The following ADAM10 variants were observed in gnomAD, a reference collection of about 807,000 sequenced individuals.
The protein encoded by ADAM10 is disintegrin and metalloproteinase domain-containing protein 10.
Under a neutral mutation model 90.1 loss-of-function variants are expected in ADAM10, and 17 were observed. The ratio of observed to expected loss-of-function variants is 0.19; its 90% CI spans 0.13 to 0.28. The LOEUF (loss-of-function observed/expected upper bound fraction) is 0.28. Ranked by LOEUF, ADAM10 falls within the 10% of genes least tolerant of loss-of-function variation. The pLI is 1.00. For missense variants in ADAM10, 610 were observed against 914.3 expected, an observed-to-expected ratio of 0.67 and a Z score of 4.29; for synonymous variants, 310 against 298.6, an observed-to-expected ratio of 1.04 and a Z score of -0.40.
In ADAM10 at chr15:58,651,983, A is replaced by G. The variant is rs528887178; in HGVS notation, c.586-5779T>C. ...GTATCTCACTGTAATTTTTATTTGC[A>G]TTTCTCCAAGGATCAATGATGTTGA... On this transcript the variant is annotated intron_variant, in intron 5 of 15. Transcript: ENST00000260408. Among the ~76,000 whole-genome samples, 203 of 152,268 alleles carry G rather than the reference A, an allele frequency of 1.3e-3. 3 individuals carry two copies. In the South Asian group the frequency reaches 0.042, roughly 31 times the overall value.
At position 58,679,357 on chromosome 15, in the gene ADAM10, T is replaced by C. The variant is rs536290917; in HGVS notation, c.326-75A>G. 83 of 1,253,738 alleles carry C rather than the reference T, an allele frequency of 6.6e-5. 1 individual carries two copies. Among genetic ancestry groups the C allele is most frequent in the East Asian group, 4.7e-4 (19 of 40,552 alleles). 77.7% of individuals were successfully genotyped at this position (1,253,738 alleles called of 1,614,324 possible). On this transcript the variant is annotated intron_variant, in intron 3 of 15. Coordinates refer to ENST00000260408, the MANE Select transcript of ADAM10 (RefSeq NM_001110.4). ...TTAAATTCATTCATATATATGTATA[T>C]ATGTGTGTATATATATACACACATG...
chr15:58,618,406 G>A (rs1895682279), intron 11 of ADAM10, among the ~76,000 whole-genome samples: 1 of 152,080 alleles, frequency 6.6e-6, no homozygotes, highest in South Asian at 2.1e-4. Flanking sequence ...CTGAAACGAT[G>A]AAACTACTAA....
intron 5 of ADAM10, among the ~76,000 whole-genome samples, chr15:58,660,639 T>C (rs1328731283): frequency 6.6e-6 from 1 of 152,220 alleles, no homozygotes; most frequent in Non-Finnish European, 1.5e-5. Context: ...GCTATTTATT[T>C]TCTATTTATC....
At chr15:58,612,635 C>A (rs1251486228) in intron 11 of ADAM10, among the ~76,000 whole-genome samples, 1 of 152,172 alleles carries the variant, frequency 6.6e-6, no homozygotes. Context: ...TCACCACCAC[C>A]TCCATCCCCG....
chr15:58,628,812 G>T (rs1191390969), intron 9 of ADAM10, among the ~76,000 whole-genome samples: 1 of 152,154 alleles, frequency 6.6e-6, no homozygotes, highest in Non-Finnish European at 1.5e-5. Context: ...GAAAGAAAAA[G>T]ACTGCCCAAG....
intron 8 of ADAM10, among the ~76,000 whole-genome samples, chr15:58,634,300 T>TAA (rs61691654): frequency 0.061 from 8,329 of 135,772 alleles, 807 homozygotes; most frequent in African/African-American, 0.21. Context: ...ACACTCTGTC[T>TAA]AAAAAAAAAA....
intron 11 of ADAM10, among the ~76,000 whole-genome samples, 179 bp downstream of exon 11, chr15:58,621,292 T>G (rs1366993540): frequency 5.4e-5 from 6 of 112,118 alleles, no homozygotes; most frequent in African/African-American, 1.4e-4. Context: ...AAAAAAAAAG[T>G]AGTTCAATCT....
intron 5 of ADAM10, among the ~76,000 whole-genome samples, chr15:58,662,990 G>A (rs1196208128): frequency 6.6e-6 from 1 of 152,176 alleles, no homozygotes; most frequent in Non-Finnish European, 1.5e-5. Context: ...AAATCACAGA[G>A]ATATTTATTT....
chr15:58,694,687 T>C (rs574386611), intron 2 of ADAM10, among the ~76,000 whole-genome samples: 49 of 151,310 alleles, frequency 3.2e-4, no homozygotes, highest in Non-Finnish European at 4.7e-4. Flanking sequence ...ATAACCTAAA[T>C]GTCTATCAAC....
At chr15:58,653,619 T>C (rs568263128) in intron 5 of ADAM10, among the ~76,000 whole-genome samples, 3 of 152,186 alleles carry the variant, frequency 2.0e-5, no homozygotes, top group Non-Finnish European at 4.4e-5. Flanking sequence ...AGTTTGCTAG[T>C]ATTTTGTTGA....
chr15:58,719,101 A>C (rs559037931), intron 1 of ADAM10, among the ~76,000 whole-genome samples: 1 of 152,328 alleles, frequency 6.6e-6, no homozygotes, highest in Non-Finnish European at 1.5e-5. Flanking sequence ...AGGCAGGTGG[A>C]TCGCCTAAGG....
intron 7 of ADAM10, among the ~76,000 whole-genome samples, chr15:58,641,843 G>A (rs568360299): frequency 6.6e-6 from 1 of 152,272 alleles, no homozygotes; most frequent in Non-Finnish European, 1.5e-5. Flanking sequence ...AATGTTGGCA[G>A]TAAGAGGATG....
Position 58,655,744 on chromosome 15 carries a change from T to C in ADAM10, c.585+9353A>G, listed in dbSNP as rs1273796471. Among the ~76,000 whole-genome samples, 4 of 37,584 alleles carry C rather than the reference T, an allele frequency of 1.1e-4. No individual in the cohort carries two copies. The African/African-American group carries it at 1.1e-3, about 10-fold the overall frequency. 24.7% of individuals were successfully genotyped at this position (37,584 alleles called of 152,430 possible). On this transcript the variant is annotated intron_variant, in intron 5 of 15. Coordinates refer to ENST00000260408, the MANE Select transcript of ADAM10 (RefSeq NM_001110.4). Reference sequence around the variant, plus strand: ...ATATATATATATATATATATATTCTTTTTTTTTTTTTTTTTTTTTTGAAAC... The same window carrying C: ...ATATATATATATATATATATATTCTCTTTTTTTTTTTTTTTTTTTTGAAAC...
At chr15:58,649,606 G>C (rs1447544454) in intron 5 of ADAM10, among the ~76,000 whole-genome samples, 1 of 152,164 alleles carries the variant, frequency 6.6e-6, no homozygotes, top group Non-Finnish European at 1.5e-5. Context: ...CTCTGTTTCA[G>C]CATATCCTAC....
chr15:58,618,035 G>T (rs548674264), intron 11 of ADAM10, among the ~76,000 whole-genome samples: 1 of 151,930 alleles, frequency 6.6e-6, no homozygotes, highest in Non-Finnish European at 1.5e-5. Context: ...CAGATAAAGA[G>T]AAAACAATCC....
chr15:58,734,968 G>A (rs1488133520), intron 1 of ADAM10, among the ~76,000 whole-genome samples: 1 of 152,148 alleles, frequency 6.6e-6, no homozygotes, highest in Non-Finnish European at 1.5e-5. Context: ...ACCTCAGTCA[G>A]ACATCACAAA....
At chr15:58,689,122 A>G (rs1344057355) in intron 2 of ADAM10, among the ~76,000 whole-genome samples, 3 of 152,200 alleles carry the variant, frequency 2.0e-5, no homozygotes, top group Admixed American at 6.5e-5. Flanking sequence ...AATCAGCGTT[A>G]AAGAGAAAAT....
At chr15:58,688,686 A>AGAGAGGAGAGAGGGAAAGGAAT (rs1897678204) in intron 2 of ADAM10, among the ~76,000 whole-genome samples, 2 of 149,482 alleles carry the variant, frequency 1.3e-5, no homozygotes, top group East Asian at 3.9e-4. Context: ...GGGACAGGGA[A>AGAGAGGAGAGAGGGAAAGGAAT]GAGAGGAGAG....
chr15:58,713,120 G>A (rs1241827247), intron 2 of ADAM10, among the ~76,000 whole-genome samples: 4 of 152,066 alleles, frequency 2.6e-5, no homozygotes, highest in African/African-American at 9.7e-5. Flanking sequence ...TGTTTGTTGA[G>A]ACAGGGTCTC....
Sources: allele counts gnomAD v4.1 joint callset (sites outside exome capture counted in the v4.1 genomes callset), GRCh38; gene constraint gnomAD v4.1.1; transcripts MANE v1.5; gene names NCBI Gene and HGNC (gene_info 2026-07-23, HGNC 2026-07-21).